The following PIP5K1C variants were observed in gnomAD, a reference collection of about 807,000 sequenced individuals.
PIP5K1C encodes phosphatidylinositol 4-phosphate 5-kinase type-1 gamma.
In PIP5K1C, 45 loss-of-function variants were observed where a neutral mutation model predicts 80.1. That is an observed-to-expected ratio of 0.56 (90% confidence interval 0.44 to 0.72). PIP5K1C has a LOEUF of 0.72. PIP5K1C is among the 30% of genes least tolerant of loss of function. The pLI is 0.00. For synonymous variants in PIP5K1C, 498 were observed against 420.1 expected (o/e 1.19, Z -2.27); for missense variants, 753 against 954.6 (o/e 0.79, Z 2.78).
rs1230492488 is a variant in PIP5K1C at position 3,671,146 on chromosome 19, G to A, written c.95-3793C>T. 2.6e-5 allele frequency among the ~76,000 whole-genome samples: 4 copies of A among 152,234 alleles called. No individual in the cohort carries two copies. In the East Asian group the frequency reaches 7.7e-4, roughly 29 times the overall value. The stretch of plus-strand genomic sequence containing the variant: ...GGGGGCCCGGGCGTCCCCCTGCTCG[G>A]CCTGTCTGGGGCCTCCCTGCCCACA... On this transcript the variant is annotated intron_variant, in intron 1 of 17. Transcript: ENST00000335312.
In PIP5K1C at chr19:3,637,492, G is replaced by A; in HGVS notation, c.1920+1392C>T. 1.3e-6 allele frequency: 2 copies of A among 1,535,672 alleles called. No homozygotes were observed. The highest frequency in any genetic ancestry group is 2.4e-5 in the East Asian group (1 of 40,894). ...ACCTGCGGCTCCCTGCTGCCCGAGG[G>A]GCACTGCCCCTTCTCCCCAGGGTGG... is the stretch of plus-strand genomic sequence containing the variant. On this transcript the variant is annotated intron_variant, in intron 16 of 17. Transcript: ENST00000335312. The surrounding 1 kb of genome is among the most constrained non-coding windows in gnomAD (Gnocchi z 7.0).
At chr19:3,666,595 A>C (rs1157036558) in intron 2 of PIP5K1C, among the ~76,000 whole-genome samples, 4 of 151,984 alleles carry the variant, frequency 2.6e-5, no homozygotes, top group Admixed American at 2.6e-4. Flanking sequence ...GAACACAGGC[A>C]AACACGTGCA....
intron 17 of PIP5K1C, 100 bp downstream of exon 17, chr19:3,633,337 G>GT: frequency 1.1e-6 from 1 of 928,774 alleles, no homozygotes; most frequent in Non-Finnish European, 1.6e-6. Context: ...GTGCCCTCCC[G>GT]CCCCGGGCCT....
In PIP5K1C at chr19:3,656,367, A is replaced by C. The variant is rs771184209; in HGVS notation, c.621+38T>G. ...CCCGCCAGCCGGGAGAAGGGGGTTG[A>C]CCGAGGAGCCATCTGCCCCGCAGGG... On this transcript the variant is annotated intron_variant, in intron 6 of 17. Transcript: ENST00000335312. 6.8e-6 allele frequency: 11 copies of C among 1,611,024 alleles called. No homozygotes were observed. In the South Asian group the frequency reaches 1.1e-4, roughly 16 times the overall value.
At chr19:3,638,353 G>A (rs10408256) in intron 16 of PIP5K1C, among the ~76,000 whole-genome samples, 15,594 of 152,196 alleles carry the variant, frequency 0.1, 1,326 homozygotes, top group African/African-American at 0.22. Flanking sequence ...AGCCCACGGC[G>A]TGGGAGCGTG....
rs1031320205 is a variant in PIP5K1C, at chr19:3,642,934, C to A, written c.1655G>T (p.Arg552Leu). ...GCCATCCTGTCCAGACGACTGTGTG[C>A]GCCGCCTGCAGAGATACAGCAAACA... ...ETSEQPRYRR[R>L]TQSSGQDGRP... The change falls in exon 14 of 18, where the codon CGC (arginine) becomes CTC (leucine). Residue 552 changes from arginine (R) to leucine (L), a missense_variant. By Grantham distance (102) the Arg-to-Leu change is moderately radical. Coordinates refer to ENST00000335312, the MANE Select transcript of PIP5K1C (RefSeq NM_012398.3). The A allele has an allele frequency of 6.2e-7, 1 of 1,613,482 alleles. No homozygotes were observed. The highest frequency in any genetic ancestry group is 1.1e-5 in the South Asian group (1 of 91,088).
rs528991520 is a variant in PIP5K1C, at chr19:3,696,874, G to T, written c.94+3423C>A. On this transcript the variant is annotated intron_variant, in intron 1 of 17. Transcript: ENST00000335312. The surrounding 1 kb of genome is among the most constrained non-coding windows in gnomAD (Gnocchi z 4.1). ...GCAGAGGAGGGTCGGGACTCGGGCC[G>T]CTGGTTTTTAATGGGGTCCTCCTGG... Among the ~76,000 whole-genome samples, 198 of 152,282 alleles carry T rather than the reference G, an allele frequency of 1.3e-3. 1 individual carries two copies. The highest frequency in any genetic ancestry group is 4.5e-3 in the African/African-American group (189 of 41,564).
chr19:3,691,705 A>G (rs938357619), intron 1 of PIP5K1C, among the ~76,000 whole-genome samples: 12 of 151,284 alleles, frequency 7.9e-5, no homozygotes, highest in Non-Finnish European at 1.0e-4. Flanking sequence ...ATTTAAACCA[A>G]TCAGAGTGCA....
intron 1 of PIP5K1C, among the ~76,000 whole-genome samples, chr19:3,681,751 C>A (rs564315920): frequency 6.6e-6 from 1 of 151,976 alleles, no homozygotes; most frequent in Non-Finnish European, 1.5e-5. Flanking sequence ...GAAGGGCAAA[C>A]GGCAGCCCCA....
Position 3,700,286 on chromosome 19 carries a change from C to A in PIP5K1C, c.94+11G>T, listed in dbSNP as rs2036256453. The A allele has an allele frequency of 1.6e-6, 2 of 1,258,012 alleles. No individual in the cohort carries two copies. Among genetic ancestry groups the A allele is most frequent in the Non-Finnish European group, 2.0e-6 (2 of 984,166 alleles). The allele number at this position is 1,258,012 out of a possible 1,614,324, so 77.9% of individuals were successfully genotyped here. On this transcript the variant is annotated intron_variant, in intron 1 of 17. Coordinates refer to ENST00000335312, the MANE Select transcript of PIP5K1C (RefSeq NM_012398.3). ...CCAGCGGGCCGCAGCCCCGGGAGGC[C>A]GGGCCGTTACCTGCCGCCGCCCCGC...
At chr19:3,673,224 T>C (rs1342790009) in intron 1 of PIP5K1C, among the ~76,000 whole-genome samples, 1 of 152,092 alleles carries the variant, frequency 6.6e-6, no homozygotes, top group East Asian at 1.9e-4. Context: ...GCACGAGCGG[T>C]GCCTCTGCCT....
rs762421341 is a variant in PIP5K1C at position 3,651,815 on chromosome 19, C to T, written c.1127+11G>A. 1.4e-5 allele frequency: 23 copies of T among 1,609,034 alleles called. No homozygotes were observed. Among genetic ancestry groups the T allele is most frequent in the African/African-American group, 2.7e-5 (2 of 74,840 alleles). The stretch of plus-strand genomic sequence containing the variant: ...AAGCGGGACGGGTCCGGCGGCCCCC[C>T]GCCCACCTACGTGTCATCCGATTCG... On this transcript the variant is annotated intron_variant, in intron 8 of 17. Transcript: ENST00000335312.
chr19:3,645,766 G>A (rs1187246437), intron 11 of PIP5K1C, among the ~76,000 whole-genome samples: 2 of 152,226 alleles, frequency 1.3e-5, no homozygotes, highest in Admixed American at 1.3e-4. Context: ...CTCTGGCGGT[G>A]GCTCCAGACC....
intron 1 of PIP5K1C, among the ~76,000 whole-genome samples, chr19:3,678,467 TGGAGGGATGGA>T (rs1471729144): frequency 5.5e-5 from 3 of 54,098 alleles, no homozygotes; most frequent in Non-Finnish European, 1.1e-4. Flanking sequence ...GGATGGAGGA[TGGAGGGATGGA>T]GGAGGGATGG....
intron 5 of PIP5K1C, among the ~76,000 whole-genome samples, chr19:3,657,022 T>G (rs999994074): frequency 8.5e-5 from 13 of 152,128 alleles, no homozygotes; most frequent in African/African-American, 3.1e-4. Flanking sequence ...TCCCACCTAT[T>G]TCCCTCCTGA....
intron 2 of PIP5K1C, among the ~76,000 whole-genome samples, chr19:3,666,152 C>G (rs547749498): frequency 6.6e-6 from 1 of 152,356 alleles, no homozygotes; most frequent in Admixed American, 6.5e-5. Flanking sequence ...GCCTGGTGGA[C>G]AAAGCCCTCC....
rs899935257 is a variant in PIP5K1C at position 3,688,680 on chromosome 19, A to T, written c.94+11617T>A. On this transcript the variant is annotated intron_variant, in intron 1 of 17. Coordinates refer to ENST00000335312, the MANE Select transcript of PIP5K1C (RefSeq NM_012398.3). The surrounding 1 kb of genome is among the most constrained non-coding windows in gnomAD (Gnocchi z 5.3). ...AGGGCTAGAGACCCGGATGAGCCCC[A>T]TGGAGAAACCCGTAGTGAGAGAAGC... Among the ~76,000 whole-genome samples, 2 of 152,084 alleles carry T rather than the reference A, an allele frequency of 1.3e-5. No individual in the cohort carries two copies. The highest frequency in any genetic ancestry group is 3.9e-4 in the East Asian group (2 of 5,182).
In PIP5K1C at chr19:3,633,150, CG is replaced by C; in HGVS notation, c.*16del. ...GCAGAAGTGGAGCTCGGCTCTGGGT[CG>C]GGGGCTGCATAGAAATTACTGCAAG... On this transcript the variant is annotated 3_prime_UTR_variant, in exon 18 of 18. Coordinates refer to ENST00000335312, the MANE Select transcript of PIP5K1C (RefSeq NM_012398.3). 1.3e-6 allele frequency: 1 copy of C among 745,046 alleles called. No individual in the cohort carries two copies. The highest frequency in any genetic ancestry group is 1.4e-5 in the South Asian group (1 of 71,882). The allele number at this position is 745,046 out of a possible 1,614,324, so 46.2% of individuals were successfully genotyped here.
rs558547320 is a variant in PIP5K1C at position 3,631,382 on chromosome 19, C to CG, written c.*1784dup. On this transcript the variant is annotated 3_prime_UTR_variant, in exon 18 of 18. Transcript: ENST00000335312. ...CTTCTGACCTCTGCCCCTGCCTCCC[C>CG]GGGGGGTGCCTGCTGGGTGTCCTTC... is the stretch of plus-strand genomic sequence containing the variant. 4 of 152,780 alleles carry CG rather than the reference C, an allele frequency of 2.6e-5. No homozygotes were observed. Among genetic ancestry groups the CG allele is most frequent in the Admixed American group, 2.0e-4 (3 of 15,310 alleles). The allele number at this position is 152,780 out of a possible 1,614,324, so 9.5% of individuals were successfully genotyped here.
Sources: gnomAD v4.1 joint callset for allele counts (sites outside exome capture counted in the v4.1 genomes callset) on GRCh38, gnomAD v4.1.1 for gene constraint, Gnocchi (gnomAD v3.1) non-coding constraint, MANE v1.5 for transcripts, NCBI Gene and HGNC (gene_info 2026-07-23, HGNC 2026-07-21) for gene names.